MTUS2: variants seen among roughly 807,000 people sequenced by gnomAD.
The protein encoded by MTUS2 is microtubule-associated tumor suppressor candidate 2.
MTUS2 carries 40 observed loss-of-function variants against 114.1 expected under a neutral mutation model. The observed-to-expected ratio is 0.35, with a 90% CI of 0.27 to 0.46. The LOEUF (loss-of-function observed/expected upper bound fraction) is 0.46, where lower values mean the gene tolerates loss of function less well. Among genes scored for constraint, MTUS2 ranks in the 20% least tolerant of loss-of-function variants. MTUS2 has a pLI of 1.00. For missense variants in MTUS2, 1,679 were observed against 1,705.4 expected (o/e 0.98, Z 0.27); for synonymous variants, 688 against 672.0 (o/e 1.02, Z -0.37).
chr13:29,354,677 C>T (rs1869591110), intron 7 of MTUS2, among the ~76,000 whole-genome samples: 1 of 152,120 alleles, frequency 6.6e-6, no homozygotes, highest in African/African-American at 2.4e-5. Flanking sequence ...GTAATTTCTG[C>T]CCCGACCTGT....
chr13:29,195,836 G>A (rs1894674495), intron 5 of MTUS2, among the ~76,000 whole-genome samples: 1 of 152,110 alleles, frequency 6.6e-6, no homozygotes, highest in Admixed American at 6.5e-5. Context: ...GGTATTTTTG[G>A]GAGCAGTAAA....
intron 2 of MTUS2, among the ~76,000 whole-genome samples, chr13:28,964,279 C>CT (rs1479240260): frequency 1.3e-5 from 2 of 152,192 alleles, no homozygotes; most frequent in Admixed American, 6.5e-5. Flanking sequence ...CCTATGACCT[C>CT]TTTTTTCAGA....
intron 8 of MTUS2, among the ~76,000 whole-genome samples, chr13:29,389,411 G>A (rs540491252): frequency 9.4e-5 from 6 of 63,534 alleles, no homozygotes; most frequent in Admixed American, 1.5e-4. Context: ...ATGTATACAC[G>A]TGTGTGTGTA....
chr13:28,999,298 C>T (rs1885272558), intron 2 of MTUS2, among the ~76,000 whole-genome samples: 1 of 152,154 alleles, frequency 6.6e-6, no homozygotes, highest in Non-Finnish European at 1.5e-5. Flanking sequence ...CAGTCCGCCC[C>T]TACTGGGGGG....
chr13:29,112,055 TA>T (rs1178318757), intron 5 of MTUS2, among the ~76,000 whole-genome samples: 1 of 152,140 alleles, frequency 6.6e-6, no homozygotes, highest in Non-Finnish European at 1.5e-5. Flanking sequence ...TCCATTCCTA[TA>T]AGTACATCCA....
chr13:28,826,944 C>G (rs1395523370), intron 1 of MTUS2, among the ~76,000 whole-genome samples: 1 of 152,196 alleles, frequency 6.6e-6, no homozygotes, highest in Non-Finnish European at 1.5e-5. Context: ...GAAGTAATCT[C>G]AAATCATCCT....
intron 8 of MTUS2, among the ~76,000 whole-genome samples, chr13:29,365,442 GAAAAC>G (rs1870621822): frequency 6.6e-6 from 1 of 151,858 alleles, no homozygotes; most frequent in Non-Finnish European, 1.5e-5. Context: ...TGACCAAGGT[GAAAAC>G]TAATTGCCCC....
chr13:29,394,565 A>G lies in MTUS2; in HGVS notation c.3117+35092A>G, dbSNP rs551879811. 6.6e-5 allele frequency among the ~76,000 whole-genome samples: 10 copies of G among 152,314 alleles called. No homozygotes were observed. In the East Asian group the frequency reaches 1.4e-3, roughly 21 times the overall value. ...ATGGTAAATGTCTCTTATCAGATCA[A>G]AAAGGTTCCAGACTCTTAGTTAATC... On this transcript the variant is annotated intron_variant, in intron 8 of 15. Transcript: ENST00000612955.
intron 2 of MTUS2, among the ~76,000 whole-genome samples, chr13:28,891,969 G>A (rs1435226173): frequency 1.3e-5 from 2 of 151,012 alleles, no homozygotes; most frequent in African/African-American, 2.4e-5. Context: ...CCTAAGATCC[G>A]GCTCAGCTGC....
intron 6 of MTUS2, among the ~76,000 whole-genome samples, chr13:29,309,119 A>G (rs1899625789): frequency 6.6e-6 from 1 of 152,184 alleles, no homozygotes; most frequent in Non-Finnish European, 1.5e-5. Flanking sequence ...ATAAAGATAC[A>G]TGCATGCGTA....
chr13:29,425,303 C>T (rs2388078), intron 8 of MTUS2, among the ~76,000 whole-genome samples: 27,592 of 152,036 alleles, frequency 0.18, 2,999 homozygotes, highest in East Asian at 0.51. Context: ...ATCCCAGCTA[C>T]TTGGGAGGCT....
chr13:28,946,416 A>G (rs1327629301), intron 2 of MTUS2, among the ~76,000 whole-genome samples: 2 of 152,114 alleles, frequency 1.3e-5, no homozygotes, highest in South Asian at 2.1e-4. Context: ...AGCTGAGGTA[A>G]TTCACAAATG....
In MTUS2 at chr13:29,212,340, C is replaced by T. The variant is rs536704557; in HGVS notation, c.2645-69364C>T. ...ATGATTAAAAAAAAACCCTATTCCT[C>T]TCCTCACAACACCTCTGACACCACA... On this transcript the variant is annotated intron_variant, in intron 5 of 15. Coordinates refer to ENST00000612955, the MANE Select transcript of MTUS2 (RefSeq NM_001033602.4). 2.3e-4 allele frequency among the ~76,000 whole-genome samples: 35 copies of T among 152,292 alleles called. No individual in the cohort carries two copies. In the East Asian group the frequency reaches 6.6e-3, roughly 29 times the overall value.
At chr13:29,457,995 G>A (rs908403463) in intron 9 of MTUS2, among the ~76,000 whole-genome samples, 2 of 152,054 alleles carry the variant, frequency 1.3e-5, no homozygotes, top group Non-Finnish European at 2.9e-5. Context: ...CTCATGATCC[G>A]CCTGCCTCGG....
At chr13:29,060,543 C>CT (rs1162860492) in intron 4 of MTUS2, among the ~76,000 whole-genome samples, 34,823 of 101,182 alleles carry the variant, frequency 0.34, 5,693 homozygotes, top group East Asian at 0.58. Flanking sequence ...CCTAGCCCTT[C>CT]TTTTTTTTTT....
chr13:29,207,155 T>G (rs1439729621), intron 5 of MTUS2, among the ~76,000 whole-genome samples: 1 of 152,088 alleles, frequency 6.6e-6, no homozygotes, highest in Non-Finnish European at 1.5e-5. Flanking sequence ...CTCCTAAGTG[T>G]TTTTTGTTTG....
intron 2 of MTUS2, among the ~76,000 whole-genome samples, chr13:28,988,013 C>A (rs1313694908): frequency 6.6e-6 from 1 of 152,154 alleles, no homozygotes; most frequent in Non-Finnish European, 1.5e-5. Flanking sequence ...TACCTTGGAA[C>A]AATGAAGTCA....
At chr13:29,453,976 G>C (rs1423012560) in intron 9 of MTUS2, among the ~76,000 whole-genome samples, 1 of 152,180 alleles carries the variant, frequency 6.6e-6, no homozygotes, top group Non-Finnish European at 1.5e-5. Context: ...GGTATTAAAT[G>C]TACTATCAGT....
At chr13:29,384,545 T>G (rs1382340598) in intron 8 of MTUS2, among the ~76,000 whole-genome samples, 1 of 152,190 alleles carries the variant, frequency 6.6e-6, no homozygotes, top group Non-Finnish European at 1.5e-5. Context: ...TTTAGCAAAG[T>G]CTGGGTCTCT....
Sources: allele counts gnomAD v4.1 joint callset (sites outside exome capture counted in the v4.1 genomes callset), GRCh38; gene constraint gnomAD v4.1.1; transcripts MANE v1.5; gene names NCBI Gene and HGNC (gene_info 2026-07-23, HGNC 2026-07-21).